CDH18: variants seen among roughly 807,000 people sequenced by gnomAD.
CDH18 encodes the protein cadherin-18.
A neutral mutation model predicts 67.9 loss-of-function variants in CDH18; 31 were observed. That is an observed-to-expected ratio of 0.46 (90% CI 0.34 to 0.62). The LOEUF is 0.62. Ranked by LOEUF, CDH18 falls within the 20% of genes least tolerant of loss-of-function variation. The pLI, the probability that CDH18 is intolerant of heterozygous loss-of-function variation, is 0.01. For synonymous variants in CDH18, 362 were observed against 347.2 expected, an observed-to-expected ratio of 1.04 and a Z score of -0.48; for missense variants, 890 against 975.5, an observed-to-expected ratio of 0.91 and a Z score of 1.17.
chr5:20,108,832 G>A (rs943166681), intron 2 of CDH18, among the ~76,000 whole-genome samples: 1 of 152,090 alleles, frequency 6.6e-6, no homozygotes, highest in Non-Finnish European at 1.5e-5. Flanking sequence ...TGACAAAGAC[G>A]AAAGCCACTA....
At chr5:19,597,663 T>C (rs1746392103) in intron 6 of CDH18, among the ~76,000 whole-genome samples, 1 of 152,164 alleles carries the variant, frequency 6.6e-6, no homozygotes, top group African/African-American at 2.4e-5. Flanking sequence ...CAAATCTTAA[T>C]GTTTTGGTGT....
chr5:19,857,778 A>G (rs893013538), intron 2 of CDH18, among the ~76,000 whole-genome samples: 4 of 152,190 alleles, frequency 2.6e-5, no homozygotes, highest in African/African-American at 9.6e-5. Flanking sequence ...TAAGAAATTC[A>G]GACTCAGTGC....
intron 2 of CDH18, among the ~76,000 whole-genome samples, chr5:20,148,317 T>C (rs1445176208): frequency 6.6e-6 from 1 of 152,116 alleles, no homozygotes. Flanking sequence ...CAGGATGGTC[T>C]CGATCTCCTG....
At chr5:20,172,376 T>C (rs1206542918) in intron 2 of CDH18, among the ~76,000 whole-genome samples, 4 of 150,798 alleles carry the variant, frequency 2.7e-5, no homozygotes, top group African/African-American at 9.8e-5. Flanking sequence ...GTTATGCTCT[T>C]CTCATTTGCT....
At chr5:19,581,690 T>G (rs1245811351) in intron 7 of CDH18, among the ~76,000 whole-genome samples, 2 of 152,038 alleles carry the variant, frequency 1.3e-5, no homozygotes, top group Non-Finnish European at 2.9e-5. Flanking sequence ...GATATCAACA[T>G]TTTCATACAT....
intron 5 of CDH18, among the ~76,000 whole-genome samples, chr5:19,677,549 G>A (rs571040506): frequency 6.6e-6 from 1 of 152,046 alleles, no homozygotes; most frequent in Admixed American, 6.6e-5. Context: ...CAGTATCAAA[G>A]CCACACATGC....
chr5:20,572,363 C>T (rs574692122), intron 1 of CDH18, among the ~76,000 whole-genome samples: 2 of 152,138 alleles, frequency 1.3e-5, no homozygotes, highest in Admixed American at 6.6e-5. Flanking sequence ...TTTCTTCCCT[C>T]AGGTTTGGCC....
At chr5:20,352,446 T>C (rs899459436) in intron 1 of CDH18, among the ~76,000 whole-genome samples, 1 of 152,038 alleles carries the variant, frequency 6.6e-6, no homozygotes, top group African/African-American at 2.4e-5. Flanking sequence ...AAAGGTCTAC[T>C]ATGATTATCT....
chr5:20,544,912 G>T (rs895341196), intron 1 of CDH18, among the ~76,000 whole-genome samples: 10 of 152,152 alleles, frequency 6.6e-5, no homozygotes, highest in African/African-American at 2.4e-4. Flanking sequence ...GTCAAGGCAA[G>T]TTCCTTCTGC....
At chr5:20,453,904 T>A (rs1364879427) in intron 1 of CDH18, among the ~76,000 whole-genome samples, 2 of 152,142 alleles carry the variant, frequency 1.3e-5, no homozygotes, top group African/African-American at 4.8e-5. Flanking sequence ...AAAAGCCCTG[T>A]ACATGAAAAT....
At chr5:19,553,043 A>C (rs1737746482) in intron 8 of CDH18, among the ~76,000 whole-genome samples, 1 of 152,152 alleles carries the variant, frequency 6.6e-6, no homozygotes, top group Non-Finnish European at 1.5e-5. Context: ...ACAGACAGAA[A>C]ATTTATGACC....
rs111980294 is a variant in CDH18, at chr5:19,722,371, C to A, written c.524-905G>T. On this transcript the variant is annotated intron_variant, in intron 4 of 12. Transcript: ENST00000382275. The stretch of plus-strand genomic sequence containing the variant: ...GCACAGCCAACTGGTCTACTAAGTT[C>A]AAATCTCATTCCTTTAGTGTCTTAT... 4.8e-3 allele frequency among the ~76,000 whole-genome samples: 729 copies of A among 151,798 alleles called. 13 individuals are homozygous for A. Among genetic ancestry groups the A allele is most frequent in the African/African-American group, 0.017 (706 of 41,382 alleles).
intron 6 of CDH18, among the ~76,000 whole-genome samples, chr5:19,594,035 G>C (rs1745764289): frequency 1.3e-5 from 2 of 151,928 alleles, no homozygotes; most frequent in Non-Finnish European, 2.9e-5. Context: ...TGCAGTTTCA[G>C]ATTTTATGTT....
chr5:20,467,077 A>T (rs904241533), intron 1 of CDH18, among the ~76,000 whole-genome samples: 3 of 149,586 alleles, frequency 2.0e-5, no homozygotes, highest in Non-Finnish European at 2.9e-5. Context: ...TAAATGAAAA[A>T]TGGAAATAGT....
At chr5:20,398,707 G>A (rs1484692755) in intron 1 of CDH18, among the ~76,000 whole-genome samples, 3 of 149,856 alleles carry the variant, frequency 2.0e-5, no homozygotes, top group African/African-American at 7.4e-5. Context: ...CACGGCACAC[G>A]TATAACCATG....
chr5:19,586,310 A>T (rs1744130201), intron 7 of CDH18, among the ~76,000 whole-genome samples: 1 of 152,036 alleles, frequency 6.6e-6, no homozygotes, highest in Admixed American at 6.6e-5. Context: ...CCCATCACCT[A>T]GGTATTAAGC....
At chr5:19,804,052 C>A (rs945363481) in intron 3 of CDH18, 3 of 149,482 alleles carry the variant, frequency 2.0e-5, no homozygotes, top group African/African-American at 7.4e-5. Flanking sequence ...ATCCGGGAGG[C>A]GGAGCTTGCA....
Position 19,519,480 on chromosome 5 carries a change from T to C in CDH18, c.1512+1177A>G, listed in dbSNP as rs146151896. ...ACTTTTGACTCAGAAAGGGCATATT[T>C]TGACCTATACCCTTTCCACTTCTGG... On this transcript the variant is annotated intron_variant, in intron 10 of 12. Coordinates refer to ENST00000382275, the MANE Select transcript of CDH18 (RefSeq NM_004934.5). 8.3e-3 allele frequency among the ~76,000 whole-genome samples: 1,258 copies of C among 152,306 alleles called. 11 individuals are homozygous for C. The highest frequency in any genetic ancestry group is 0.031 in the South Asian group (150 of 4,822).
At chr5:19,820,335 T>C (rs1202702906) in intron 3 of CDH18, among the ~76,000 whole-genome samples, 2 of 152,126 alleles carry the variant, frequency 1.3e-5, no homozygotes, top group Non-Finnish European at 2.9e-5. Context: ...GACCTGCTCC[T>C]GGAGTAGACA....
Sources: allele counts gnomAD v4.1 joint callset (sites outside exome capture counted in the v4.1 genomes callset), GRCh38; gene constraint gnomAD v4.1.1; transcripts MANE v1.5; gene names NCBI Gene and HGNC (gene_info 2026-07-23, HGNC 2026-07-21).